GALNT13: variants seen among roughly 807,000 people sequenced by gnomAD.
GALNT13 encodes the protein polypeptide N-acetylgalactosaminyltransferase 13, also known as UDP-GalNAc:polypeptide N-acetylgalactosaminyltransferase 13.
GALNT13 carries 28 observed loss-of-function variants against 64.2 expected under a neutral mutation model. The observed-to-expected ratio is 0.44, with a 90% CI of 0.32 to 0.60. The LOEUF is 0.60. Ranked by LOEUF, GALNT13 falls within the 20% of genes least tolerant of loss-of-function variation. The probability of loss-of-function intolerance (pLI) is 0.05; values close to 1 mark genes in which losing one functional copy is unlikely to be tolerated. For missense variants in GALNT13, 577 were observed against 669.8 expected (o/e 0.86, Z 1.53); for synonymous variants, 214 against 224.6 (o/e 0.95, Z 0.42).
chr2:154,099,110 G>C (rs1702218237), intron 3 of GALNT13, among the ~76,000 whole-genome samples: 2 of 151,928 alleles, frequency 1.3e-5, no homozygotes, highest in Non-Finnish European at 2.9e-5. Context: ...AATAATAGCT[G>C]TTCTGACTGG....
chr2:153,472,040 C>T, the GALNT13 span, among the ~76,000 whole-genome samples: 2 of 152,054 alleles, frequency 1.3e-5, no homozygotes, highest in Non-Finnish European at 2.9e-5. Context: ...ATCAATACTA[C>T]GTAGAATATG....
the GALNT13 span, among the ~76,000 whole-genome samples, chr2:153,287,951 C>G: frequency 6.6e-6 from 1 of 152,154 alleles, no homozygotes; most frequent in Non-Finnish European, 1.5e-5. Flanking sequence ...CCCTGCCCCC[C>G]TCCCATATCA....
chr2:153,640,362 G>GT, the GALNT13 span, among the ~76,000 whole-genome samples: 2 of 152,122 alleles, frequency 1.3e-5, no homozygotes, highest in African/African-American at 4.8e-5. Context: ...GGTCCATACT[G>GT]TTTTTGAGAA....
chr2:154,223,581 A>G (rs1467863420), intron 4 of GALNT13, among the ~76,000 whole-genome samples: 1 of 151,266 alleles, frequency 6.6e-6, no homozygotes, highest in African/African-American at 2.4e-5. Flanking sequence ...CCTCCTGAGT[A>G]GCAGGGATTA....
chr2:153,452,662 A>G, the GALNT13 span, among the ~76,000 whole-genome samples: 1 of 152,122 alleles, frequency 6.6e-6, no homozygotes, highest in East Asian at 1.9e-4. Context: ...ATGCCCATGG[A>G]TTGCAAGAAT....
At chr2:153,279,492 G>T in the GALNT13 span, among the ~76,000 whole-genome samples, 2 of 152,188 alleles carry the variant, frequency 1.3e-5, no homozygotes, top group Middle Eastern at 3.4e-3. Context: ...GGTTGCCTCT[G>T]GGTTTGTCAT....
At chr2:153,248,283 C>A in the GALNT13 span, among the ~76,000 whole-genome samples, 1 of 152,156 alleles carries the variant, frequency 6.6e-6, no homozygotes, top group African/African-American at 2.4e-5. Context: ...AGGCCAACAT[C>A]CCTGATGAAA....
chr2:153,470,605 T>C, the GALNT13 span, among the ~76,000 whole-genome samples: 1 of 152,164 alleles, frequency 6.6e-6, no homozygotes, highest in Admixed American at 6.5e-5. Flanking sequence ...AGATATCAGC[T>C]TCTTTCATGC....
intron 3 of GALNT13, among the ~76,000 whole-genome samples, chr2:154,018,692 G>C (rs1194403569): frequency 6.6e-6 from 1 of 151,506 alleles, no homozygotes; most frequent in Non-Finnish European, 1.5e-5. Flanking sequence ...GAGATGGTGA[G>C]AGAATGGTGG....
At position 154,420,181 on chromosome 2, in the gene GALNT13, C is replaced by CA. The variant is rs1340835695; in HGVS notation, c.1395+11101dup. On this transcript the variant is annotated intron_variant, in intron 11 of 12. Coordinates refer to ENST00000392825, the MANE Select transcript of GALNT13 (RefSeq NM_052917.4). ...CAAAGGCGTACCTCAACCATCAGGA[C>CA]AACTTTTCTTACTGAAAATGGGAAT... is the stretch of plus-strand genomic sequence containing the variant. Among the ~76,000 whole-genome samples the CA allele has an allele frequency of 2.6e-5, 4 of 152,118 alleles. No individual in the cohort carries two copies. In the East Asian group the frequency reaches 7.7e-4, roughly 29 times the overall value.
chr2:153,353,870 A>C, the GALNT13 span, among the ~76,000 whole-genome samples: 1 of 152,088 alleles, frequency 6.6e-6, no homozygotes, highest in African/African-American at 2.4e-5. Flanking sequence ...ATTTTCTTGT[A>C]ATGTCTTTGC....
At chr2:154,119,094 T>C (rs760660224) in intron 3 of GALNT13, among the ~76,000 whole-genome samples, 2 of 152,154 alleles carry the variant, frequency 1.3e-5, no homozygotes, top group Non-Finnish European at 2.9e-5. Context: ...ATAACTCCCA[T>C]TAAGATTCCT....
At chr2:153,397,241 T>G in the GALNT13 span, among the ~76,000 whole-genome samples, 1 of 152,190 alleles carries the variant, frequency 6.6e-6, no homozygotes, top group Admixed American at 6.6e-5. Flanking sequence ...GGGAACTTTA[T>G]TCTTCCTGTG....
chr2:154,371,433 G>A (rs1002278868), intron 9 of GALNT13, among the ~76,000 whole-genome samples: 1 of 147,280 alleles, frequency 6.8e-6, no homozygotes, highest in Non-Finnish European at 1.5e-5. Flanking sequence ...GCAGAGGGGT[G>A]ACCATGTGGC....
At chr2:154,408,229 T>G (rs1022202275) in intron 10 of GALNT13, among the ~76,000 whole-genome samples, 3 of 152,102 alleles carry the variant, frequency 2.0e-5, no homozygotes, top group Non-Finnish European at 2.9e-5. Context: ...TTAAAGTCAA[T>G]TATTGGTTTT....
chr2:153,601,804 T>A, the GALNT13 span, among the ~76,000 whole-genome samples: 2 of 151,768 alleles, frequency 1.3e-5, no homozygotes, highest in Non-Finnish European at 2.9e-5. Context: ...AAAAAGACAC[T>A]ACCAAATGGC....
chr2:153,489,441 C>T, the GALNT13 span, among the ~76,000 whole-genome samples: 1 of 152,214 alleles, frequency 6.6e-6, no homozygotes, highest in African/African-American at 2.4e-5. Context: ...AAATGTTAAA[C>T]ATCTCTTGAT....
chr2:154,221,845 G>A (rs1039764409), intron 4 of GALNT13, among the ~76,000 whole-genome samples: 14 of 151,924 alleles, frequency 9.2e-5, no homozygotes, highest in Non-Finnish European at 1.8e-4. Flanking sequence ...TTGTTTTACC[G>A]TTCATTAATG....
the GALNT13 span, among the ~76,000 whole-genome samples, chr2:153,582,132 G>A: frequency 1.3e-5 from 2 of 152,140 alleles, no homozygotes; most frequent in African/African-American, 2.4e-5. Context: ...TGTTGTTTCT[G>A]GATATTTACC....
Sources: gnomAD v4.1 joint callset for allele counts (sites outside exome capture counted in the v4.1 genomes callset) on GRCh38, gnomAD v4.1.1 for gene constraint, MANE v1.5 for transcripts, NCBI Gene and HGNC (gene_info 2026-07-23, HGNC 2026-07-21) for gene names.